NCOA1: variants seen among roughly 807,000 people sequenced by gnomAD.
NCOA1 encodes nuclear receptor coactivator 1, also known as Hin-2 protein.
Under a neutral mutation model 150.9 loss-of-function variants are expected in NCOA1, and 35 were observed. The ratio of observed to expected loss-of-function variants is 0.23; its 90% CI spans 0.18 to 0.31. NCOA1 has a LOEUF of 0.31. Among genes scored for constraint, NCOA1 ranks in the 10% least tolerant of loss-of-function variants. NCOA1 has a pLI of 1.00. For synonymous variants in NCOA1, 590 were observed against 630.0 expected, an observed-to-expected ratio of 0.94 and a Z score of 0.95; for missense variants, 1,491 against 1,749.3, an observed-to-expected ratio of 0.85 and a Z score of 2.63.
intron 3 of NCOA1, among the ~76,000 whole-genome samples, chr2:24,639,916 G>GCATATATA (rs1670112846): frequency 3.4e-5 from 1 of 29,738 alleles, no homozygotes; most frequent in Non-Finnish European, 1.1e-4. Context: ...ATGTGTGTGT[G>GCATATATA]TATATATATA....
chr2:24,595,465 A>G (rs1006481641), intron 3 of NCOA1, among the ~76,000 whole-genome samples: 1 of 152,124 alleles, frequency 6.6e-6, no homozygotes, highest in African/African-American at 2.4e-5. Flanking sequence ...GACGCTTTCC[A>G]TCACCTAAAC....
At chr2:24,740,931 A>G (rs1465778415) in intron 18 of NCOA1, among the ~76,000 whole-genome samples, 1 of 152,218 alleles carries the variant, frequency 6.6e-6, no homozygotes, top group Non-Finnish European at 1.5e-5. Context: ...CATTGAAAAA[A>G]TGATTTTAAG....
intron 4 of NCOA1, among the ~76,000 whole-genome samples, chr2:24,648,045 G>A (rs1174736991): frequency 1.3e-5 from 2 of 152,176 alleles, no homozygotes; most frequent in Non-Finnish European, 2.9e-5. Context: ...GGTCGTTGCA[G>A]CAGAAGGAAT....
intron 3 of NCOA1, among the ~76,000 whole-genome samples, chr2:24,595,837 C>T (rs536900489): frequency 9.2e-5 from 14 of 152,042 alleles, no homozygotes; most frequent in Non-Finnish European, 1.6e-4. Context: ...TAGAGATCTC[C>T]GATAATTTGC....
At chr2:24,747,876 G>C (rs745912670) in intron 19 of NCOA1, among the ~76,000 whole-genome samples, 1 of 152,130 alleles carries the variant, frequency 6.6e-6, no homozygotes, top group Non-Finnish European at 1.5e-5. Context: ...GGAGGCCAAG[G>C]CAAGTGGATC....
intron 1 of NCOA1, among the ~76,000 whole-genome samples, chr2:24,515,337 G>C (rs958410214): frequency 6.6e-6 from 1 of 151,932 alleles, no homozygotes; most frequent in Non-Finnish European, 1.5e-5. Flanking sequence ...GGCTCAAGCA[G>C]TCCTCCCATC....
chr2:24,541,555 T>G (rs570340861), intron 1 of NCOA1, among the ~76,000 whole-genome samples: 40 of 152,368 alleles, frequency 2.6e-4, no homozygotes, highest in Admixed American at 7.2e-4. Flanking sequence ...GTGCATTGGC[T>G]GGATTAAGGC....
chr2:24,509,962 C>G (rs1193488208), intron 1 of NCOA1, among the ~76,000 whole-genome samples: 1 of 152,174 alleles, frequency 6.6e-6, no homozygotes, highest in Non-Finnish European at 1.5e-5. Flanking sequence ...AAAGTACTTA[C>G]CACTAATATT....
chr2:24,593,477 C>A (rs1667743006), intron 3 of NCOA1, among the ~76,000 whole-genome samples: 1 of 152,074 alleles, frequency 6.6e-6, no homozygotes, highest in African/African-American at 2.4e-5. Context: ...AAAGGAAACT[C>A]CAAATGTAAA....
At chr2:24,516,828 T>TC (rs1380459639) in intron 1 of NCOA1, among the ~76,000 whole-genome samples, 2 of 146,846 alleles carry the variant, frequency 1.4e-5, no homozygotes, top group Admixed American at 6.8e-5. Context: ...CAGCTTTCTT[T>TC]TTTTTTTTTT....
In NCOA1 at chr2:24,516,977, C is replaced by CATATACATATATATACGTGTAT. The variant is rs1553422182; in HGVS notation, c.-396+25381_-396+25382insATATATATACGTGTATATATAC. 5.1e-5 allele frequency among the ~76,000 whole-genome samples: 3 copies of CATATACATATATATACGTGTAT among 58,968 alleles called. 1 individual carries two copies. The highest frequency in any genetic ancestry group is 1.2e-3 in the East Asian group (2 of 1,700). The allele number at this position is 58,968 out of a possible 152,430, so 38.7% of individuals were successfully genotyped here. On this transcript the variant is annotated intron_variant, in intron 1 of 22. Coordinates refer to ENST00000348332, the MANE Select transcript of NCOA1 (RefSeq NM_003743.5). ...ACAAGTATATATACGTATATATACA[C>CATATACATATATATACGTGTAT]ATATACGTATATATATACACACGCG... is the stretch of plus-strand genomic sequence containing the variant.
chr2:24,510,982 G>A (rs1663913678), intron 1 of NCOA1, among the ~76,000 whole-genome samples: 1 of 152,142 alleles, frequency 6.6e-6, no homozygotes, highest in Non-Finnish European at 1.5e-5. Flanking sequence ...GAAATTCCGT[G>A]CCTGTTAGCA....
At chr2:24,492,808 G>C (rs1201345148) in intron 1 of NCOA1, among the ~76,000 whole-genome samples, 4 of 152,132 alleles carry the variant, frequency 2.6e-5, no homozygotes, top group African/African-American at 9.7e-5. Context: ...ATTTGTGAGG[G>C]CTGGTGCTTA....
intron 1 of NCOA1, among the ~76,000 whole-genome samples, chr2:24,512,071 C>T (rs1663957525): frequency 6.6e-6 from 1 of 152,142 alleles, no homozygotes; most frequent in Non-Finnish European, 1.5e-5. Context: ...CGAAACTGTA[C>T]TAACTTTTGC....
chr2:24,661,233 A>G (rs1572556761), intron 5 of NCOA1, among the ~76,000 whole-genome samples: 3 of 152,134 alleles, frequency 2.0e-5, no homozygotes, highest in Non-Finnish European at 4.4e-5. Flanking sequence ...GTGGGGTTAT[A>G]GTTTAAAGGG....
intron 20 of NCOA1, among the ~76,000 whole-genome samples, chr2:24,754,420 A>G (rs114491189): frequency 1.5e-3 from 227 of 152,204 alleles, no homozygotes; most frequent in African/African-American, 5.2e-3. Flanking sequence ...GCTTCCTTTT[A>G]TCCTTCTGCT....
At chr2:24,661,700 T>C (rs1671190954) in intron 5 of NCOA1, among the ~76,000 whole-genome samples, 2 of 152,338 alleles carry the variant, frequency 1.3e-5, no homozygotes, top group South Asian at 4.1e-4. Flanking sequence ...GACACTACCC[T>C]TGACTGTTTT....
intron 2 of NCOA1, among the ~76,000 whole-genome samples, chr2:24,575,862 C>T (rs1033408647): frequency 3.3e-5 from 5 of 152,222 alleles, no homozygotes; most frequent in African/African-American, 4.8e-5. Flanking sequence ...TGTGAGCCAC[C>T]GCTCTCGGCC....
chr2:24,507,716 C>T (rs1193444565), intron 1 of NCOA1, among the ~76,000 whole-genome samples: 8 of 152,020 alleles, frequency 5.3e-5, no homozygotes, highest in Non-Finnish European at 1.0e-4. Context: ...ACTTGTATTA[C>T]GTGGTCATCA....
Sources: gnomAD v4.1 joint callset for allele counts (sites outside exome capture counted in the v4.1 genomes callset) on GRCh38, gnomAD v4.1.1 for gene constraint, MANE v1.5 for transcripts, NCBI Gene and HGNC (gene_info 2026-07-23, HGNC 2026-07-21) for gene names.